CACNA2D1: variants seen among roughly 807,000 people sequenced by gnomAD.
The protein encoded by CACNA2D1 is calcium voltage-gated channel auxiliary subunit alpha2delta 1, also known as voltage-dependent calcium channel subunit alpha-2/delta-1.
Under a neutral mutation model 171.5 loss-of-function variants are expected in CACNA2D1, and 53 were observed. That is an observed-to-expected ratio of 0.31 (90% CI 0.25 to 0.39). The LOEUF (loss-of-function observed/expected upper bound fraction) is 0.39, where lower values mean the gene tolerates loss of function less well. CACNA2D1 is among the 10% of genes least tolerant of loss of function. CACNA2D1 has a pLI of 1.00. For synonymous variants in CACNA2D1, 442 were observed against 443.1 expected (o/e 1.00, Z 0.03); for missense variants, 903 against 1,299.8 (o/e 0.69, Z 4.69).
intron 1 of CACNA2D1, among the ~76,000 whole-genome samples, chr7:82,373,291 T>A (rs557480792): frequency 3.3e-5 from 5 of 152,334 alleles, no homozygotes; most frequent in African/African-American, 9.6e-5. Flanking sequence ...TAATTGAGGT[T>A]ACTAAAATCA....
chr7:82,000,529 T>A (rs576452174), intron 18 of CACNA2D1, among the ~76,000 whole-genome samples: 108 of 152,246 alleles, frequency 7.1e-4, no homozygotes, highest in Admixed American at 2.9e-3. Context: ...CACTCAATTC[T>A]ACTAATTCAC....
chr7:81,990,942 T>G (rs1051798535), intron 21 of CACNA2D1, among the ~76,000 whole-genome samples: 14 of 152,320 alleles, frequency 9.2e-5, no homozygotes, highest in African/African-American at 3.1e-4. Context: ...TATGGGTATT[T>G]GTCAACATTT....
At chr7:82,010,829 T>A (rs1799693591) in intron 15 of CACNA2D1, among the ~76,000 whole-genome samples, 1 of 152,160 alleles carries the variant, frequency 6.6e-6, no homozygotes, top group African/African-American at 2.4e-5. Context: ...TATGGGTTCA[T>A]CATTACATTT....
In CACNA2D1 at chr7:82,432,458, C is replaced by T. The variant is rs551892517; in HGVS notation, c.95+10907G>A. Among the ~76,000 whole-genome samples the T allele has an allele frequency of 5.9e-5, 9 of 152,334 alleles. 1 individual carries two copies. In the South Asian group the frequency reaches 1.9e-3, roughly 32 times the overall value. ...CCAGACCTTCAAGAGACCTGGGATG[C>T]CTCAGTGAGGTTTAACCAAGGATAT... On this transcript the variant is annotated intron_variant, in intron 1 of 38. Transcript: ENST00000356860.
intron 2 of CACNA2D1, among the ~76,000 whole-genome samples, chr7:82,336,483 G>A (rs957950587): frequency 7.2e-5 from 11 of 152,018 alleles, no homozygotes; most frequent in African/African-American, 2.7e-4. Context: ...TTCACACTAT[G>A]AGATTTTACC....
chr7:82,101,223 A>C (rs1010678870), intron 6 of CACNA2D1, among the ~76,000 whole-genome samples: 2 of 152,188 alleles, frequency 1.3e-5, no homozygotes, highest in East Asian at 3.9e-4. Flanking sequence ...CAGAATTTGA[A>C]GTTTGGAACC....
chr7:82,410,813 A>G (rs1404729646), intron 1 of CACNA2D1, among the ~76,000 whole-genome samples: 3 of 152,186 alleles, frequency 2.0e-5, no homozygotes, highest in Admixed American at 1.3e-4. Context: ...AACTTTCTAT[A>G]TCCCTCACTT....
chr7:81,951,991 T>TTTTTTTA (rs1386764468), intron 38 of CACNA2D1, among the ~76,000 whole-genome samples: 2 of 146,468 alleles, frequency 1.4e-5, no homozygotes, highest in East Asian at 2.0e-4. Flanking sequence ...TTTTTTTTTT[T>TTTTTTTA]AACCACATCC....
intron 6 of CACNA2D1, among the ~76,000 whole-genome samples, chr7:82,114,176 C>T (rs942280838): frequency 2.1e-4 from 32 of 151,810 alleles, no homozygotes; most frequent in Admixed American, 1.8e-3. Context: ...ATATGTATGC[C>T]TATGTAAACA....
chr7:82,091,715 C>T (rs1811192421), intron 6 of CACNA2D1, among the ~76,000 whole-genome samples: 1 of 152,058 alleles, frequency 6.6e-6, no homozygotes, highest in East Asian at 1.9e-4. Context: ...ATATAGGAGC[C>T]CCAAGGTCAA....
intron 11 of CACNA2D1, among the ~76,000 whole-genome samples, chr7:82,035,735 T>G (rs909738228): frequency 2.0e-5 from 3 of 152,102 alleles, no homozygotes; most frequent in African/African-American, 7.2e-5. Context: ...CTAAGAAGAA[T>G]AATTAAAATG....
rs986105709 is a variant in CACNA2D1, at chr7:82,351,269, T to C, written c.96-1620A>G. 2.0e-5 allele frequency among the ~76,000 whole-genome samples: 3 copies of C among 151,540 alleles called. No homozygotes were observed. The South Asian group carries it at 6.2e-4, about 31-fold the overall frequency. The stretch of plus-strand genomic sequence containing the variant: ...AAATATAAATTTTTTAAAATATAAA[T>C]GTAAGTAGTATAAATATATATTTTT... On this transcript the variant is annotated intron_variant, in intron 1 of 38. Coordinates refer to ENST00000356860, the MANE Select transcript of CACNA2D1 (RefSeq NM_000722.4).
At chr7:82,371,091 G>C (rs997847092) in intron 1 of CACNA2D1, among the ~76,000 whole-genome samples, 1 of 152,166 alleles carries the variant, frequency 6.6e-6, no homozygotes. Context: ...TGGGTTATAA[G>C]GGGTGTCCTC....
chr7:82,094,253 T>C (rs1050438712), intron 6 of CACNA2D1, among the ~76,000 whole-genome samples: 2 of 151,578 alleles, frequency 1.3e-5, no homozygotes, highest in African/African-American at 4.9e-5. Flanking sequence ...AAAAAAAAAC[T>C]ATATACATCT....
At chr7:81,957,876 G>T (rs1202469537) in intron 38 of CACNA2D1, among the ~76,000 whole-genome samples, 9 of 151,970 alleles carry the variant, frequency 5.9e-5, no homozygotes, top group Admixed American at 5.9e-4. Flanking sequence ...AATATTTTGG[G>T]CAATAGGCTT....
intron 10 of CACNA2D1, 64 bp from the exon 11 acceptor site, chr7:82,038,299 A>G: frequency 6.9e-7 from 1 of 1,448,442 alleles, no homozygotes. Flanking sequence ...GTTTTCATAG[A>G]ATTTGTGTTT....
intron 3 of CACNA2D1, among the ~76,000 whole-genome samples, chr7:82,204,038 C>T (rs548162435): frequency 1.3e-5 from 2 of 152,326 alleles, no homozygotes; most frequent in East Asian, 1.9e-4. Context: ...GGGCCTGAGG[C>T]ACCCCTAGAC....
chr7:82,373,098 C>G (rs1395783595), intron 1 of CACNA2D1, among the ~76,000 whole-genome samples: 1 of 152,082 alleles, frequency 6.6e-6, no homozygotes, highest in Non-Finnish European at 1.5e-5. Context: ...GCACAAGAAT[C>G]GCTTGAACCC....
At chr7:82,085,776 T>C (rs1810402021) in intron 6 of CACNA2D1, among the ~76,000 whole-genome samples, 2 of 152,060 alleles carry the variant, frequency 1.3e-5, no homozygotes, top group Non-Finnish European at 2.9e-5. Flanking sequence ...TATTTATAAC[T>C]AGAAACTAAT....
Sources: gnomAD v4.1 joint callset for allele counts (sites outside exome capture counted in the v4.1 genomes callset) on GRCh38, gnomAD v4.1.1 for gene constraint, MANE v1.5 for transcripts, NCBI Gene and HGNC (gene_info 2026-07-23, HGNC 2026-07-21) for gene names.